Variants in ERCC1 observed in about 807,000 individuals in gnomAD.
ERCC1 encodes ERCC excision repair 1, endonuclease non-catalytic subunit, also known as DNA excision repair protein ERCC-1.
A neutral mutation model predicts 37.6 loss-of-function variants in ERCC1; 36 were observed. That is an observed-to-expected ratio of 0.96 (90% confidence interval 0.73 to 1.26). The LOEUF is 1.26. Among genes scored for constraint, ERCC1 ranks in the 50% most tolerant of loss-of-function variants. The probability of loss-of-function intolerance (pLI) is 0.00; values close to 1 mark genes in which losing one functional copy is unlikely to be tolerated. For missense variants in ERCC1, 349 were observed against 376.5 expected (o/e 0.93, Z 0.60); for synonymous variants, 156 against 162.1 (o/e 0.96, Z 0.28).
At position 45,423,833 on chromosome 19, in the gene ERCC1, T is replaced by G; in HGVS notation, c.-60A>C. On this transcript the variant is annotated 5_prime_UTR_variant, in exon 1 of 10. Coordinates refer to ENST00000300853, the MANE Select transcript of ERCC1 (RefSeq NM_001983.4). ...GCCGCGAGGCCTCACCTGCTGGTCT[T>G]GGAGCCTCAAGGGAAAGACTGCAGA... 3 of 1,136,982 alleles carry G rather than the reference T, an allele frequency of 2.6e-6. No homozygotes were observed. The highest frequency in any genetic ancestry group is 3.3e-6 in the Non-Finnish European group (3 of 919,074). The allele number at this position is 1,136,982 out of a possible 1,614,324, so 70.4% of individuals were successfully genotyped here.
Position 45,408,686 on chromosome 19 carries a change from G to A in ERCC1, c.*989C>T. The stretch of plus-strand genomic sequence containing the variant: ...GACAGAGCCCACAGTGGAGACACTG[G>A]AGCCTCTGGGAGTGCTGTTCCCGTC... On this transcript the variant is annotated 3_prime_UTR_variant, in exon 10 of 10. Coordinates refer to ENST00000300853, the MANE Select transcript of ERCC1 (RefSeq NM_001983.4). 1 of 1,613,918 alleles carries A rather than the reference G, an allele frequency of 6.2e-7. No individual in the cohort carries two copies. Among genetic ancestry groups the A allele is most frequent in the South Asian group, 1.1e-5 (1 of 91,058 alleles).
At chr19:45,411,158 C>T (rs2123452234) in intron 9 of ERCC1, among the ~76,000 whole-genome samples, 1 of 152,238 alleles carries the variant, frequency 6.6e-6, no homozygotes, top group South Asian at 2.1e-4. Context: ...GAAGAGTATC[C>T]ATTGTGTGTA....
At chr19:45,425,339 G>A (rs1031922772), upstream of ERCC1, among the ~76,000 whole-genome samples, 1 of 151,984 alleles carries the variant, frequency 6.6e-6, no homozygotes, top group Non-Finnish European at 1.5e-5. Context: ...AAACAGTAAT[G>A]ACCTAGAATG....
At chr19:45,431,210 G>A (rs532965297) in intron 1 of ERCC1, among the ~76,000 whole-genome samples, 101 of 152,282 alleles carry the variant, frequency 6.6e-4, no homozygotes, top group Non-Finnish European at 1.3e-3. Context: ...AGACACACAC[G>A]TGAGGACCCA....
chr19:45,423,308 C>T lies in ERCC1; in HGVS notation c.67G>A (p.Val23Met). Residue 23 changes from valine (V) to methionine (M), a missense_variant, in exon 2 of 10, where the codon GTG becomes ATG. Coordinates refer to ENST00000300853, the MANE Select transcript of ERCC1 (RefSeq NM_001983.4). ...ACCTCATCCTCGTCGAGGGGTATCACAAATTTCTTCCTTGCTGGCGGCCCT... is the reference window on the plus strand; with the variant it reads ...ACCTCATCCTCGTCGAGGGGTATCATAAATTTCTTCCTTGCTGGCGGCCCT... ...PSGPPARKKF[V>M]IPLDEDEVPP... is the part of the protein sequence containing the mutation. The T allele has an allele frequency of 6.2e-7, 1 of 1,613,950 alleles. No homozygotes were observed. Among genetic ancestry groups the T allele is most frequent in the Non-Finnish European group, 8.5e-7 (1 of 1,179,964 alleles).
intron 1 of ERCC1, chr19:45,436,783 C>G (rs1599859449): frequency 6.6e-6 from 1 of 152,146 alleles, no homozygotes; most frequent in East Asian, 1.9e-4. Flanking sequence ...CCACCCTGGC[C>G]TAAACATTTA....
At chr19:45,429,408 C>G (rs572238139) in intron 1 of ERCC1, among the ~76,000 whole-genome samples, 1 of 152,104 alleles carries the variant, frequency 6.6e-6, no homozygotes, top group East Asian at 1.9e-4. Flanking sequence ...TGTAGTGAGC[C>G]AAGATCGCGC....
At position 45,409,500 on chromosome 19, in the gene ERCC1, A is replaced by C. The variant is rs941494600; in HGVS notation, c.*175T>G. 1.2e-6 allele frequency: 2 copies of C among 1,605,076 alleles called. No individual in the cohort carries two copies. Among genetic ancestry groups the C allele is most frequent in the Non-Finnish European group, 1.7e-6 (2 of 1,176,494 alleles). On this transcript the variant is annotated 3_prime_UTR_variant, in exon 10 of 10. Transcript: ENST00000300853. The stretch of plus-strand genomic sequence containing the variant: ...AAGCAGCAGCAGCAGCAGCCTGTGT[A>C]GTCTGCCCCCGGGAAACTGAGGAAC...
chr19:45,411,849 ATTTTTGG>A (rs146310057), intron 9 of ERCC1, among the ~76,000 whole-genome samples: 32,669 of 150,474 alleles, frequency 0.22, 4,243 homozygotes, highest in East Asian at 0.44. Context: ...ATTATAGTTT[ATTTTTGG>A]TTTTTGGTTT....
In ERCC1 at chr19:45,423,301, G is replaced by A. The variant is rs2123539218; in HGVS notation, c.74C>T (p.Pro25Leu). ...AGGAGGGACCTCATCCTCGTCGAGG[G>A]GTATCACAAATTTCTTCCTTGCTGG... is the stretch of plus-strand genomic sequence containing the variant. Reference protein sequence around the residue: ...GPPARKKFVIPLDEDEVPPGV... With the variant: ...GPPARKKFVILLDEDEVPPGV... The change falls in exon 2 of 10, where the codon CCC becomes CTC. Residue 25 changes from proline (P) to leucine (L), a missense_variant. Coordinates refer to ENST00000300853, the MANE Select transcript of ERCC1 (RefSeq NM_001983.4). The A allele has an allele frequency of 1.2e-6, 2 of 1,613,788 alleles. No homozygotes were observed. Among genetic ancestry groups the A allele is most frequent in the Admixed American group, 1.7e-5 (1 of 59,972 alleles).
chr19:45,430,666 A>C (rs8111987), intron 1 of ERCC1, among the ~76,000 whole-genome samples: 41,383 of 151,956 alleles, frequency 0.27, 7,739 homozygotes, highest in African/African-American at 0.52. Flanking sequence ...TAATCCCAGC[A>C]CTTTGGGAGG....
intron 1 of ERCC1, chr19:45,436,848 T>C (rs1407933595): frequency 6.6e-6 from 1 of 152,130 alleles, no homozygotes; most frequent in African/African-American, 2.4e-5. Context: ...TCCCAGCTCC[T>C]TGGAAAGCTG....
intron 1 of ERCC1, among the ~76,000 whole-genome samples, chr19:45,448,694 A>AT (rs760196307): frequency 9.9e-5 from 15 of 152,070 alleles, no homozygotes; most frequent in Non-Finnish European, 1.9e-4. Flanking sequence ...TTTAAAAAAA[A>AT]GTTTTTATTA....
At chr19:45,443,148 G>C (rs1975163872) in intron 1 of ERCC1, among the ~76,000 whole-genome samples, 2 of 152,132 alleles carry the variant, frequency 1.3e-5, no homozygotes, top group African/African-American at 4.8e-5. Flanking sequence ...TCTCCCAGCT[G>C]CCTGGATGTG....
At chr19:45,427,847 C>A (rs1974733345), upstream of ERCC1, among the ~76,000 whole-genome samples, 1 of 152,114 alleles carries the variant, frequency 6.6e-6, no homozygotes, top group Non-Finnish European at 1.5e-5. Flanking sequence ...CAGAACCCAG[C>A]GGGGGCAGGA....
At chr19:45,442,973 A>AT (rs1403749400) in intron 1 of ERCC1, among the ~76,000 whole-genome samples, 1 of 151,996 alleles carries the variant, frequency 6.6e-6, no homozygotes, top group Non-Finnish European at 1.5e-5. Context: ...CGTCTGAGTG[A>AT]TTTGCCAACT....
Position 45,409,892 on chromosome 19 carries a change from A to ATTAT in ERCC1, c.844-171_844-168dup, listed in dbSNP as rs1555785240. On this transcript the variant is annotated intron_variant, in intron 9 of 9. Coordinates refer to ENST00000300853, the MANE Select transcript of ERCC1 (RefSeq NM_001983.4). ...ATCTTTTTAAGTTATTATTATTATT[A>ATTAT]TTATTTTTTTTTTTTTTGAGATGGA... The ATTAT allele has an allele frequency of 1.5e-5, 3 of 206,480 alleles. No individual in the cohort carries two copies. The East Asian group carries it at 2.4e-4, about 16-fold the overall frequency. 12.8% of individuals were successfully genotyped at this position (206,480 alleles called of 1,614,324 possible).
chr19:45,445,112 G>A lies in ERCC1; in HGVS notation c.-7-21731C>T, dbSNP rs138827297. On this transcript the variant is annotated intron_variant, in intron 1 of 8. Coordinates refer to the ERCC1 transcript ENST00000423698. ...GCTCACTGCAACCTCCGCCTCCTGA[G>A]TTCAAGCAATTCTCCTGCCTCAGCC... 2.0e-5 allele frequency among the ~76,000 whole-genome samples: 3 copies of A among 152,276 alleles called. No homozygotes were observed. In the East Asian group the frequency reaches 5.8e-4, roughly 29 times the overall value.
At position 45,408,127 on chromosome 19, in the gene ERCC1, C is replaced by T; in HGVS notation, c.*1548G>A. 6.3e-7 allele frequency: 1 copy of T among 1,591,658 alleles called. No individual in the cohort carries two copies. Among genetic ancestry groups the T allele is most frequent in the Non-Finnish European group, 8.6e-7 (1 of 1,164,936 alleles). ...AAGCCTCTGCCCTCCCTGTTTCTCT[C>T]TGTAGCTTCAATGGGCGGCATGTGC... On this transcript the variant is annotated 3_prime_UTR_variant, in exon 10 of 10. Coordinates refer to ENST00000300853, the MANE Select transcript of ERCC1 (RefSeq NM_001983.4).
Sources: allele counts gnomAD v4.1 joint callset (sites outside exome capture counted in the v4.1 genomes callset), GRCh38; gene constraint gnomAD v4.1.1; transcripts MANE v1.5; gene names NCBI Gene and HGNC (gene_info 2026-07-23, HGNC 2026-07-21).